ZNF169: variants seen among roughly 807,000 people sequenced by gnomAD.
The protein encoded by ZNF169 is zinc finger protein 169.
ZNF169 carries 11 observed loss-of-function variants against 12.0 expected under a neutral mutation model. The ratio of observed to expected loss-of-function variants is 0.92; its 90% CI spans 0.58 to 1.52. The LOEUF (loss-of-function observed/expected upper bound fraction) is 1.52. Ranked by LOEUF, ZNF169 falls within the 40% of genes most tolerant of loss-of-function variation. The pLI, the probability that ZNF169 is intolerant of heterozygous loss-of-function variation, is 0.00. For missense variants in ZNF169, 722 were observed against 744.0 expected, an observed-to-expected ratio of 0.97 and a Z score of 0.34; for synonymous variants, 302 against 286.5, an observed-to-expected ratio of 1.05 and a Z score of -0.55.
chr9:94,273,575 C>CTTTTTTTTTTTTTTTTTTTTTTTT (rs768421966), intron 1 of ZNF169, among the ~76,000 whole-genome samples: 1 of 109,964 alleles, frequency 9.1e-6, no homozygotes. Context: ...AACTTTCTTT[C>CTTTTTTTTTTTTTTTTTTTTTTTT]TTTCTTTTTT....
intron 3 of ZNF169, 33 bp from the exon 4 acceptor site, chr9:94,292,941 A>G (rs1182436657): frequency 1.3e-6 from 2 of 1,577,282 alleles, no homozygotes; most frequent in Non-Finnish European, 1.7e-6. Flanking sequence ...CCACTAACTC[A>G]AGATCACCTT....
intron 1 of ZNF169, among the ~76,000 whole-genome samples, chr9:94,264,919 G>T (rs1414783002): frequency 6.7e-6 from 1 of 150,078 alleles, no homozygotes; most frequent in African/African-American, 2.5e-5. Context: ...TGTTGTTTTT[G>T]ATTGTTAGGT....
chr9:94,294,779 G>A (rs1284906760), intron 4 of ZNF169: 4 of 152,048 alleles, frequency 2.6e-5, no homozygotes, highest in African/African-American at 9.7e-5. Flanking sequence ...TTTTCAATGG[G>A]TCTATTCTTT....
At chr9:94,268,844 T>G (rs1830339118) in intron 1 of ZNF169, among the ~76,000 whole-genome samples, 1 of 152,014 alleles carries the variant, frequency 6.6e-6, no homozygotes, top group East Asian at 1.9e-4. Flanking sequence ...TATGTTTTCC[T>G]AAAAACCCCA....
At chr9:94,280,259 A>G (rs1355665992) in intron 2 of ZNF169, among the ~76,000 whole-genome samples, 1 of 152,204 alleles carries the variant, frequency 6.6e-6, no homozygotes, top group Non-Finnish European at 1.5e-5. Flanking sequence ...AACATCTTTG[A>G]GAGAAAATGT....
In ZNF169 at chr9:94,300,499, G is replaced by A. The variant is rs1422239736; in HGVS notation, c.941G>A (p.Gly314Glu). ...ACTAATCACAAGAGGATTCACTCCG[G>A]GGAGAGGCCCTTTGTATGTCAGGAG... Reference protein sequence around the residue: ...SLTNHKRIHSGERPFVCQECG... With the variant: ...SLTNHKRIHSEERPFVCQECG... The change falls in exon 5 of 5, where the codon GGG (glycine) becomes GAG (glutamate). Residue 314 changes from glycine (G) to glutamate (E), a missense_variant. Gly to Glu is a moderately conservative substitution (Grantham distance 98). Transcript: ENST00000395395. The A allele has an allele frequency of 1.2e-6, 2 of 1,614,216 alleles. No homozygotes were observed. The highest frequency in any genetic ancestry group is 1.7e-6 in the Non-Finnish European group (2 of 1,180,048).
rs117766639 is a variant in ZNF169 at position 94,285,835 on chromosome 9, G to A, written c.34-6506G>A. On this transcript the variant is annotated intron_variant, in intron 2 of 4. Coordinates refer to ENST00000395395, the MANE Select transcript of ZNF169 (RefSeq NM_194320.4). The stretch of plus-strand genomic sequence containing the variant: ...GACCAGCCTGACCAACATGGAGAAC[G>A]TCGTCTCTACTAAAAATACAAAAAA... Among the ~76,000 whole-genome samples, 653 of 152,000 alleles carry A rather than the reference G, an allele frequency of 4.3e-3. 17 individuals carry two copies. Among genetic ancestry groups the A allele is most frequent in the East Asian group, 0.036 (184 of 5,148 alleles).
At chr9:94,279,102 G>A (rs1025426109) in intron 2 of ZNF169, among the ~76,000 whole-genome samples, 2 of 152,056 alleles carry the variant, frequency 1.3e-5, no homozygotes, top group African/African-American at 2.4e-5. Flanking sequence ...CAGTGACTCC[G>A]AAGGCCTACA....
chr9:94,268,995 A>G (rs1478918466), intron 1 of ZNF169, among the ~76,000 whole-genome samples: 2 of 151,988 alleles, frequency 1.3e-5, no homozygotes, highest in African/African-American at 4.8e-5. Context: ...AAACATACAC[A>G]CATGCACACA....
intron 1 of ZNF169, among the ~76,000 whole-genome samples, chr9:94,260,286 C>T (rs968727951): frequency 2.6e-5 from 4 of 152,184 alleles, no homozygotes; most frequent in African/African-American, 9.7e-5. Context: ...CTCCTGACCT[C>T]AAGTAATCCC....
Position 94,301,047 on chromosome 9 carries a change from T to C in ZNF169, c.1489T>C (p.Phe497Leu). Residue 497 changes from phenylalanine to leucine, a missense_variant, in exon 5 of 5, where the codon TTT becomes CTT. Physicochemically the swap from Phe to Leu is conservative, Grantham distance 22. Transcript: ENST00000395395. ...LCPKCGRAFG[F>L]KSLLTRHQRT... The stretch of plus-strand genomic sequence containing the variant: ...CCCCAAGTGTGGGCGTGCATTTGGC[T>C]TTAAGTCGCTCCTCACCCGACACCA... The C allele has an allele frequency of 3.1e-6, 5 of 1,611,842 alleles. No homozygotes were observed. Among genetic ancestry groups the C allele is most frequent in the East Asian group, 2.2e-5 (1 of 44,700 alleles).
At chr9:94,271,072 G>A (rs548254470) in intron 1 of ZNF169, among the ~76,000 whole-genome samples, 5 of 129,054 alleles carry the variant, frequency 3.9e-5, no homozygotes, top group South Asian at 2.3e-4. Flanking sequence ...TTGCAACTAC[G>A]AAGGTGATTT....
At chr9:94,277,439 G>T (rs561316064) in intron 1 of ZNF169, among the ~76,000 whole-genome samples, 1 of 152,268 alleles carries the variant, frequency 6.6e-6, no homozygotes, top group South Asian at 2.1e-4. Context: ...TCCCACAAGA[G>T]ACTTTGTAGG....
chr9:94,286,396 C>T (rs1830720248), intron 2 of ZNF169, among the ~76,000 whole-genome samples: 1 of 152,122 alleles, frequency 6.6e-6, no homozygotes, highest in Non-Finnish European at 1.5e-5. Context: ...TCTAGTGAAT[C>T]ATCATACTTG....
intron 1 of ZNF169, among the ~76,000 whole-genome samples, chr9:94,274,159 A>G (rs936564728): frequency 6.6e-6 from 1 of 152,120 alleles, no homozygotes; most frequent in South Asian, 2.1e-4. Flanking sequence ...CAATGACACC[A>G]GTTATATTGG....
At position 94,259,939 on chromosome 9, in the gene ZNF169, G is replaced by T. The variant is rs985015738; in HGVS notation, c.-56+594G>T. Among the ~76,000 whole-genome samples, 3 of 151,746 alleles carry T rather than the reference G, an allele frequency of 2.0e-5. No homozygotes were observed. In the East Asian group the frequency reaches 5.8e-4, roughly 29 times the overall value. On this transcript the variant is annotated intron_variant, in intron 1 of 4. Transcript: ENST00000395395. ...TTTTGAAACAGAGTCTCTCTCTGTCGCCCAGGCTGGAGTGCAGTGGCGCAA... is the reference window on the plus strand; with the variant it reads ...TTTTGAAACAGAGTCTCTCTCTGTCTCCCAGGCTGGAGTGCAGTGGCGCAA...
intron 1 of ZNF169, among the ~76,000 whole-genome samples, chr9:94,266,928 A>G (rs36064675): frequency 0.6 from 80,167 of 133,212 alleles, 22,034 homozygotes; most frequent in Middle Eastern, 0.66. Flanking sequence ...TTTTTTTTTT[A>G]AGACAGAGTC....
chr9:94,262,455 C>CTTTTGT (rs1179554816), intron 1 of ZNF169, among the ~76,000 whole-genome samples: 5 of 151,578 alleles, frequency 3.3e-5, no homozygotes, highest in African/African-American at 4.8e-5. Context: ...TTTTTCTTTT[C>CTTTTGT]TTTTGTTTTT....
chr9:94,274,378 C>A (rs1830485067), intron 1 of ZNF169, among the ~76,000 whole-genome samples: 1 of 152,164 alleles, frequency 6.6e-6, no homozygotes, highest in Non-Finnish European at 1.5e-5. Flanking sequence ...TCACCGAGTT[C>A]AAAATATTTT....
Sources: gnomAD v4.1 joint callset for allele counts (sites outside exome capture counted in the v4.1 genomes callset) on GRCh38, gnomAD v4.1.1 for gene constraint, MANE v1.5 for transcripts, NCBI Gene and HGNC (gene_info 2026-07-23, HGNC 2026-07-21) for gene names.